Variants in CPEB1 observed in about 807,000 individuals in gnomAD.
The protein encoded by CPEB1 is cytoplasmic polyadenylation element binding protein 1, also known as cytoplasmic polyadenylation element-binding protein 1.
Under a neutral mutation model 65.8 loss-of-function variants are expected in CPEB1, and 7 were observed. The observed-to-expected ratio is 0.11, with a 90% CI of 0.06 to 0.20. The LOEUF (loss-of-function observed/expected upper bound fraction) is 0.20. CPEB1 is among the 10% of genes least tolerant of loss of function. The pLI, the probability that CPEB1 is intolerant of heterozygous loss-of-function variation, is 1.00. For missense variants in CPEB1, 551 were observed against 712.2 expected (o/e 0.77, Z 2.58); for synonymous variants, 262 against 260.0 (o/e 1.01, Z -0.08).
intron 3 of CPEB1, among the ~76,000 whole-genome samples, chr15:82,598,758 C>G (rs1445221881): frequency 6.6e-6 from 1 of 152,134 alleles, no homozygotes; most frequent in African/African-American, 2.4e-5. Flanking sequence ...GCACTCCAGT[C>G]TGGGTGACAG....
At chr15:82,562,137 G>C (rs1426120291) in intron 4 of CPEB1, 1 of 443,600 alleles carries the variant, frequency 2.3e-6, no homozygotes, top group Non-Finnish European at 4.5e-6. Context: ...CCCACTCCAA[G>C]TACCATTCAC....
At chr15:82,578,577 G>A (rs115637155) in intron 3 of CPEB1, among the ~76,000 whole-genome samples, 3,577 of 152,128 alleles carry the variant, frequency 0.024, 150 homozygotes, top group African/African-American at 0.081. Context: ...CAGACATGGC[G>A]AAACCCCATC....
chr15:82,599,480 C>A (rs902428323), intron 3 of CPEB1, among the ~76,000 whole-genome samples: 5 of 152,138 alleles, frequency 3.3e-5, no homozygotes, highest in African/African-American at 1.2e-4. Context: ...TTAAAAGCAT[C>A]TGAAATCTTA....
intron 3 of CPEB1, among the ~76,000 whole-genome samples, chr15:82,577,278 CG>C (rs1423837111): frequency 2.0e-5 from 3 of 152,112 alleles, no homozygotes; most frequent in East Asian, 3.9e-4. Flanking sequence ...AGGCTGGTCT[CG>C]AACTCCTGGG....
chr15:82,545,635 C>T (rs895236358), intron 12 of CPEB1, among the ~76,000 whole-genome samples: 5 of 152,194 alleles, frequency 3.3e-5, no homozygotes, highest in African/African-American at 1.2e-4. Context: ...CTGCCAAACA[C>T]ATCCAGATCC....
At chr15:82,560,387 CTTA>C (rs909724093) in intron 4 of CPEB1, among the ~76,000 whole-genome samples, 5 of 148,734 alleles carry the variant, frequency 3.4e-5, no homozygotes, top group African/African-American at 1.2e-4. Context: ...TAGTTTTTAT[CTTA>C]TTGTCATTTG....
chr15:82,564,256 A>G (rs2038734093), intron 4 of CPEB1, among the ~76,000 whole-genome samples: 1 of 152,008 alleles, frequency 6.6e-6, no homozygotes, highest in African/African-American at 2.4e-5. Context: ...AGGATATTCA[A>G]TTTAAGGACA....
At chr15:82,598,251 GGAT>G (rs2042815943) in intron 3 of CPEB1, among the ~76,000 whole-genome samples, 1 of 17,136 alleles carries the variant, frequency 5.8e-5, no homozygotes, top group Non-Finnish European at 1.1e-4. Flanking sequence ...TGAGGTGGGT[GGAT>G]CACCTGAGGT....
At chr15:82,647,744 C>G, upstream of CPEB1, 1 of 1,014,944 alleles carries the variant, frequency 9.9e-7, no homozygotes, top group Non-Finnish European at 1.3e-6. Flanking sequence ...GGGACTCGCC[C>G]GCACGGGGCG....
intron 3 of CPEB1, among the ~76,000 whole-genome samples, chr15:82,610,754 T>TA (rs546406441): frequency 1.2e-4 from 18 of 151,648 alleles, no homozygotes; most frequent in South Asian, 1.0e-3. Flanking sequence ...GGTCAGGAGT[T>TA]GGAGTCCAGG....
chr15:82,640,234 C>G (rs2046997637), intron 1 of CPEB1, among the ~76,000 whole-genome samples: 1 of 152,050 alleles, frequency 6.6e-6, no homozygotes, highest in Non-Finnish European at 1.5e-5. Flanking sequence ...AAGGGATTCT[C>G]CTGCCTCAGC....
chr15:82,594,872 G>A (rs1051607046), intron 3 of CPEB1, among the ~76,000 whole-genome samples: 13 of 149,954 alleles, frequency 8.7e-5, no homozygotes, highest in Middle Eastern at 3.4e-3. Flanking sequence ...GAAAGTGGGA[G>A]AGAGACAGGA....
At chr15:82,565,906 C>T (rs1210620732) in intron 4 of CPEB1, among the ~76,000 whole-genome samples, 1 of 152,218 alleles carries the variant, frequency 6.6e-6, no homozygotes, top group African/African-American at 2.4e-5. Context: ...CACATGCTGG[C>T]AGGAAATCAG....
At chr15:82,611,031 A>T (rs1368758934) in intron 3 of CPEB1, among the ~76,000 whole-genome samples, 3 of 150,952 alleles carry the variant, frequency 2.0e-5, no homozygotes, top group Non-Finnish European at 4.4e-5. Context: ...AAGGGCTCCT[A>T]CAAAAACACC....
At chr15:82,565,431 C>G (rs2038963623) in intron 4 of CPEB1, among the ~76,000 whole-genome samples, 1 of 152,222 alleles carries the variant, frequency 6.6e-6, no homozygotes, top group African/African-American at 2.4e-5. Context: ...TTTCCACCAG[C>G]TGGGAATCAG....
chr15:82,568,031 A>AT (rs2039432622), intron 4 of CPEB1, among the ~76,000 whole-genome samples: 3 of 152,122 alleles, frequency 2.0e-5, no homozygotes, highest in Non-Finnish European at 4.4e-5. Flanking sequence ...CTATAGTAGT[A>AT]TATGGTTACT....
intron 2 of CPEB1, 160 bp downstream of exon 2, chr15:82,628,204 C>G: frequency 1.4e-6 from 1 of 702,284 alleles, no homozygotes; most frequent in South Asian, 1.5e-5. Context: ...TAATAAATTC[C>G]TGCTTAAAAA....
intron 3 of CPEB1, among the ~76,000 whole-genome samples, chr15:82,617,533 A>T (rs933942280): frequency 2.6e-5 from 4 of 152,144 alleles, no homozygotes; most frequent in African/African-American, 7.2e-5. Context: ...CAGAAAAAGC[A>T]CATTAGGTAA....
At chr15:82,601,605 T>C (rs2043125421) in intron 3 of CPEB1, among the ~76,000 whole-genome samples, 1 of 152,102 alleles carries the variant, frequency 6.6e-6, no homozygotes, top group Admixed American at 6.5e-5. Flanking sequence ...CAGAATGGAT[T>C]AAAAACCAAT....
Sources: gnomAD v4.1 joint callset for allele counts (sites outside exome capture counted in the v4.1 genomes callset) on GRCh38, gnomAD v4.1.1 for gene constraint, MANE v1.5 for transcripts, NCBI Gene and HGNC (gene_info 2026-07-23, HGNC 2026-07-21) for gene names.